Variants in NLRP14 observed in about 807,000 individuals in gnomAD.
NLRP14 encodes the protein NLR family pyrin domain containing 14.
A neutral mutation model predicts 94.7 loss-of-function variants in NLRP14; 105 were observed. The observed-to-expected ratio is 1.11, with a 90% CI of 0.95 to 1.30. The LOEUF (loss-of-function observed/expected upper bound fraction) is 1.30, where lower values mean the gene tolerates loss of function less well. NLRP14 is among the 50% of genes most tolerant of loss of function. The probability of loss-of-function intolerance (pLI) is 0.00; values close to 1 mark genes in which losing one functional copy is unlikely to be tolerated. For synonymous variants in NLRP14, 508 were observed against 459.9 expected (o/e 1.10, Z -1.34); for missense variants, 1,362 against 1,254.1 (o/e 1.09, Z -1.30).
chr11:7,040,150 T>C (rs562263894), intron 3 of NLRP14, among the ~76,000 whole-genome samples: 24 of 152,370 alleles, frequency 1.6e-4, no homozygotes, highest in African/African-American at 5.8e-4. Flanking sequence ...CTAGGAGTGG[T>C]GACCAACTGG....
the NLRP14 span, among the ~76,000 whole-genome samples, chr11:7,078,423 G>C: frequency 1.1e-5 from 1 of 89,360 alleles, no homozygotes; most frequent in Non-Finnish European, 2.0e-5. Flanking sequence ...GGACGAAAGA[G>C]CGAGACTCTG....
intron 10 of NLRP14, among the ~76,000 whole-genome samples, chr11:7,069,499 A>T (rs1298600567): frequency 1.3e-5 from 2 of 152,164 alleles, no homozygotes; most frequent in Non-Finnish European, 2.9e-5. Context: ...TGGCTAATTT[A>T]TCTCCATTAG....
At chr11:7,060,206 G>C in intron 9 of NLRP14, 142 bp downstream of exon 9, 1 of 790,010 alleles carries the variant, frequency 1.3e-6, no homozygotes, top group Non-Finnish European at 2.2e-6. Flanking sequence ...CCTGAGACAA[G>C]CTGGGGAAGT....
chr11:7,024,565 G>T (rs1206587582), intron 1 of NLRP14, among the ~76,000 whole-genome samples: 2 of 152,144 alleles, frequency 1.3e-5, no homozygotes, highest in Non-Finnish European at 2.9e-5. Context: ...CCTTGTGACT[G>T]AGAGAGGTCT....
At chr11:7,051,686 G>A (rs983944470) in intron 6 of NLRP14, among the ~76,000 whole-genome samples, 14 of 152,148 alleles carry the variant, frequency 9.2e-5, no homozygotes, top group South Asian at 2.1e-4. Context: ...GTGCGATCTC[G>A]GCTCACTGCA....
chr11:7,027,510 G>C (rs983037604), intron 1 of NLRP14, among the ~76,000 whole-genome samples: 15 of 152,124 alleles, frequency 9.9e-5, no homozygotes, highest in African/African-American at 3.4e-4. Context: ...ATGTCCCAAA[G>C]TCTCCACCTC....
intron 10 of NLRP14, among the ~76,000 whole-genome samples, chr11:7,068,058 C>T (rs1852732601): frequency 6.6e-6 from 1 of 151,762 alleles, no homozygotes; most frequent in Admixed American, 6.6e-5. Flanking sequence ...AATTTTAAAA[C>T]TTATTGGCAA....
rs538147626 is a variant in NLRP14 at position 7,060,054 on chromosome 11, C to T, written c.2794C>T (p.Gln932Ter). The T allele has an allele frequency of 4.7e-5, 75 of 1,612,368 alleles. No individual in the cohort carries two copies. In the South Asian group the frequency reaches 7.8e-4, roughly 17 times the overall value. Residue 932 changes from glutamine to a stop codon, truncating the protein, a stop_gained, in exon 9 of 12, where the codon CAG becomes TAG. Coordinates refer to ENST00000299481, the MANE Select transcript of NLRP14 (RefSeq NM_176822.4). LOFTEE classifies it high-confidence loss of function. ...DVFRHPSCNL[Q>*]DLELMGCVLT... Reference sequence around the variant, plus strand: ...CTTTCGGCATCCAAGCTGTAATCTTCAGGACTTGGAGTAGGTTTTCTGTTG... The same window carrying T: ...CTTTCGGCATCCAAGCTGTAATCTTTAGGACTTGGAGTAGGTTTTCTGTTG...
At chr11:7,067,067 G>C (rs191623598) in intron 10 of NLRP14, among the ~76,000 whole-genome samples, 187 of 152,242 alleles carry the variant, frequency 1.2e-3, no homozygotes, top group African/African-American at 4.0e-3. Context: ...CTATATATCT[G>C]TTTTGGTACC....
chr11:7,046,819 C>T lies in NLRP14; in HGVS notation c.2110C>T (p.Leu704=). The part of the protein sequence containing the change: ...HHELRHPNCK[L]QKLLLKFITF... Reference sequence around the variant, plus strand: ...TGAACTAAGGCACCCAAACTGTAAACTACAAAAGCTACTGTAAGTCTGGTA... The same window carrying T: ...TGAACTAAGGCACCCAAACTGTAAATTACAAAAGCTACTGTAAGTCTGGTA... Residue 704 remains leucine, a synonymous_variant, in exon 5 of 12, where the codon CTA becomes TTA. Coordinates refer to ENST00000299481, the MANE Select transcript of NLRP14 (RefSeq NM_176822.4). 6.2e-7 allele frequency: 1 copy of T among 1,612,230 alleles called. No homozygotes were observed.
At chr11:7,049,242 G>A (rs1299176854) in intron 5 of NLRP14, among the ~76,000 whole-genome samples, 2 of 152,160 alleles carry the variant, frequency 1.3e-5, no homozygotes, top group African/African-American at 2.4e-5. Flanking sequence ...TATGCCTAAC[G>A]AAGTCCCCAA....
At chr11:7,073,357 A>G (rs561365823), downstream of NLRP14, among the ~76,000 whole-genome samples, 2 of 152,294 alleles carry the variant, frequency 1.3e-5, no homozygotes, top group East Asian at 1.9e-4. Flanking sequence ...TAAGGCAAAA[A>G]CCAACACTTT....
Position 7,038,604 on chromosome 11 carries a change from A to G in NLRP14, c.18A>G (p.Ser6=). The stretch of plus-strand genomic sequence containing the variant: ...TGGACAAGATGGCAGATTCATCATC[A>G]TCTTCTTTCTTTCCTGATTTTGGGC... MADSS[S]SSFFPDFGLL... is the part of the protein sequence containing the mutation. Residue 6 remains serine, a synonymous_variant, in exon 2 of 12, where the codon TCA becomes TCG. Transcript: ENST00000299481. 2 of 1,613,918 alleles carry G rather than the reference A, an allele frequency of 1.2e-6. No individual in the cohort carries two copies. The highest frequency in any genetic ancestry group is 1.7e-6 in the Non-Finnish European group (2 of 1,179,990).
At chr11:7,068,413 GT>G (rs1451354890) in intron 10 of NLRP14, among the ~76,000 whole-genome samples, 2 of 152,096 alleles carry the variant, frequency 1.3e-5, no homozygotes, top group African/African-American at 4.8e-5. Context: ...TGTATGCAGT[GT>G]TTTTGTTATT....
At chr11:7,056,513 T>C (rs373955225) in intron 6 of NLRP14, among the ~76,000 whole-genome samples, 2 of 14,156 alleles carry the variant, frequency 1.4e-4, no homozygotes, top group Non-Finnish European at 3.3e-4. Context: ...TTAGCACTAA[T>C]ACAAAAAAAA....
rs532497964 is a variant in NLRP14, at chr11:7,039,606, T to G, written c.290-108T>G. On this transcript the variant is annotated intron_variant, in intron 2 of 11. Transcript: ENST00000299481. ...CAGCTCTAGTTTTCTTAAACCCAGA[T>G]AGTCATAGAATTGGACCACTTATGT... is the stretch of plus-strand genomic sequence containing the variant. 2.6e-5 allele frequency: 23 copies of G among 887,930 alleles called. No homozygotes were observed. The African/African-American group carries it at 3.8e-4, about 15-fold the overall frequency. The allele number at this position is 887,930 out of a possible 1,614,324, so 55.0% of individuals were successfully genotyped here. A position where few individuals can be genotyped will look rare whatever the true frequency, so the allele number is the denominator to read the frequency against.
At chr11:7,089,194 A>G in the NLRP14 span, 1 of 1,613,948 alleles carries the variant, frequency 6.2e-7, no homozygotes, top group South Asian at 1.1e-5. Context: ...AAAGCCCTCG[A>G]AGCCGAGTTT....
intron 6 of NLRP14, among the ~76,000 whole-genome samples, chr11:7,057,417 A>T (rs1852531269): frequency 6.6e-6 from 1 of 152,180 alleles, no homozygotes; most frequent in South Asian, 2.1e-4. Flanking sequence ...TCATTTAAAG[A>T]TATTTTTGAA....
At chr11:7,051,070 G>C (rs1233286945) in intron 6 of NLRP14, among the ~76,000 whole-genome samples, 1 of 152,220 alleles carries the variant, frequency 6.6e-6, no homozygotes, top group Non-Finnish European at 1.5e-5. Flanking sequence ...TTTGAGGTTT[G>C]AGTAATGTCG....
Sources: allele counts gnomAD v4.1 joint callset (sites outside exome capture counted in the v4.1 genomes callset), GRCh38; gene constraint gnomAD v4.1.1; transcripts MANE v1.5; gene names NCBI Gene and HGNC (gene_info 2026-07-23, HGNC 2026-07-21).